Variants in GPATCH2 observed in about 807,000 individuals in gnomAD.
GPATCH2 encodes the protein G patch domain-containing protein 2.
Under a neutral mutation model 58.0 loss-of-function variants are expected in GPATCH2, and 51 were observed. The observed-to-expected ratio is 0.88, with a 90% confidence interval of 0.70 to 1.11. The LOEUF is 1.11. GPATCH2 is among the 50% of genes most tolerant of loss of function. The pLI, the probability that GPATCH2 is intolerant of heterozygous loss-of-function variation, is 0.00. For synonymous variants in GPATCH2, 222 were observed against 218.5 expected, an observed-to-expected ratio of 1.02 and a Z score of -0.14; for missense variants, 625 against 652.2, an observed-to-expected ratio of 0.96 and a Z score of 0.45.
chr1:217,606,174 C>G (rs1050932907), intron 5 of GPATCH2, among the ~76,000 whole-genome samples: 1 of 151,364 alleles, frequency 6.6e-6, no homozygotes, highest in African/African-American at 2.4e-5. Flanking sequence ...TCAGGAATAG[C>G]TATTAGGCCT....
At chr1:217,559,530 T>C (rs758051941) in intron 5 of GPATCH2, among the ~76,000 whole-genome samples, 4 of 152,146 alleles carry the variant, frequency 2.6e-5, no homozygotes, top group Non-Finnish European at 5.9e-5. Context: ...CAAAGGACTA[T>C]CATTACCCTC....
intron 9 of GPATCH2, among the ~76,000 whole-genome samples, chr1:217,447,834 C>G (rs746475662): frequency 1.3e-5 from 2 of 152,130 alleles, no homozygotes; most frequent in Non-Finnish European, 2.9e-5. Flanking sequence ...GGCTCACGAG[C>G]CACCTGTAAT....
chr1:217,523,115 T>C (rs1182359059), intron 5 of GPATCH2, among the ~76,000 whole-genome samples: 1 of 151,782 alleles, frequency 6.6e-6, no homozygotes, highest in Non-Finnish European at 1.5e-5. Context: ...AAACCTTGCT[T>C]GTATTAGGAA....
intron 1 of GPATCH2, among the ~76,000 whole-genome samples, chr1:217,627,048 T>C (rs182012959): frequency 7.2e-5 from 11 of 152,192 alleles, no homozygotes; most frequent in African/African-American, 2.4e-4. Flanking sequence ...GCTATGAATT[T>C]GGTAGCTAAT....
intron 8 of GPATCH2, among the ~76,000 whole-genome samples, chr1:217,463,062 A>G (rs1439069264): frequency 6.6e-6 from 1 of 152,218 alleles, no homozygotes; most frequent in Non-Finnish European, 1.5e-5. Flanking sequence ...TGTATAAAAT[A>G]AACTGAATAT....
intron 6 of GPATCH2, among the ~76,000 whole-genome samples, chr1:217,503,389 G>A (rs1012329000): frequency 3.3e-5 from 5 of 151,910 alleles, no homozygotes; most frequent in South Asian, 2.1e-4. Flanking sequence ...AAGTATGAGA[G>A]ACAGAAAACA....
intron 5 of GPATCH2, among the ~76,000 whole-genome samples, chr1:217,594,225 T>C (rs1667718341): frequency 6.6e-6 from 1 of 152,132 alleles, no homozygotes; most frequent in African/African-American, 2.4e-5. Flanking sequence ...GAGGCAAAAA[T>C]GAATTGATTC....
chr1:217,465,459 C>G (rs1270471420), intron 8 of GPATCH2, among the ~76,000 whole-genome samples: 1 of 152,148 alleles, frequency 6.6e-6, no homozygotes, highest in Non-Finnish European at 1.5e-5. Context: ...TGTCCTCACT[C>G]AAATCTCAAC....
rs1664651182 is a variant in GPATCH2, at chr1:217,539,890, T to C, written c.1099-25001A>G. The stretch of plus-strand genomic sequence containing the variant: ...GTTTTACAATTTATTTATATATGTA[T>C]TTATAAAAAAACTTAATGATATACA... On this transcript the variant is annotated intron_variant, in intron 5 of 9. Coordinates refer to ENST00000366935, the MANE Select transcript of GPATCH2 (RefSeq NM_018040.5). Among the ~76,000 whole-genome samples, 6 of 101,366 alleles carry C rather than the reference T, an allele frequency of 5.9e-5. No individual in the cohort carries two copies. The Admixed American group carries it at 7.1e-4, about 12-fold the overall frequency. 66.5% of individuals were successfully genotyped at this position (101,366 alleles called of 152,430 possible).
intron 5 of GPATCH2, among the ~76,000 whole-genome samples, chr1:217,548,174 CT>C (rs1665159346): frequency 6.6e-6 from 1 of 152,052 alleles, no homozygotes; most frequent in Non-Finnish European, 1.5e-5. Context: ...AAACCAAATA[CT>C]TCATGTTCTC....
At chr1:217,553,625 CATT>C (rs1281981198) in intron 5 of GPATCH2, among the ~76,000 whole-genome samples, 1 of 151,846 alleles carries the variant, frequency 6.6e-6, no homozygotes, top group East Asian at 1.9e-4. Context: ...GTATAGTCTA[CATT>C]ATTGTTTTGA....
rs145913566 is a variant in GPATCH2 at position 217,575,539 on chromosome 1, C to T, written c.1098+34782G>A. 4.9e-3 allele frequency among the ~76,000 whole-genome samples: 752 copies of T among 152,234 alleles called. 3 individuals are homozygous for T. Among genetic ancestry groups the T allele is most frequent in the Non-Finnish European group, 6.7e-3 (456 of 67,980 alleles). ...GATGTAAAAAATCAATGCATCATGA[C>T]ATGAGAAAACTGTTACTGATTCTTT... is the stretch of plus-strand genomic sequence containing the variant. On this transcript the variant is annotated intron_variant, in intron 5 of 9. Transcript: ENST00000366935.
chr1:217,566,101 CAAAAAAAAA>C (rs59608962), intron 5 of GPATCH2, among the ~76,000 whole-genome samples: 6 of 47,240 alleles, frequency 1.3e-4, no homozygotes, highest in Admixed American at 6.1e-4. Flanking sequence ...AACTCCGTCT[CAAAAAAAAA>C]AAAAAAAAAA....
chr1:217,459,377 A>T (rs1325930287), intron 8 of GPATCH2, among the ~76,000 whole-genome samples: 1 of 152,222 alleles, frequency 6.6e-6, no homozygotes, highest in Non-Finnish European at 1.5e-5. Context: ...TTTCGCCTGA[A>T]CTGAAATTGG....
At chr1:217,482,374 G>A (rs1661252007) in intron 8 of GPATCH2, among the ~76,000 whole-genome samples, 1 of 152,134 alleles carries the variant, frequency 6.6e-6, no homozygotes, top group Non-Finnish European at 1.5e-5. Flanking sequence ...AGGGTATGAT[G>A]GTACTGGTGG....
At chr1:217,483,343 CCTGA>C (rs367907805) in intron 8 of GPATCH2, among the ~76,000 whole-genome samples, 1,743 of 152,184 alleles carry the variant, frequency 0.011, 32 homozygotes, top group African/African-American at 0.039. Flanking sequence ...CGCCACCATG[CCTGA>C]CTAATATTTT....
intron 6 of GPATCH2, among the ~76,000 whole-genome samples, chr1:217,511,623 A>G (rs549515345): frequency 1.2e-3 from 177 of 152,326 alleles, no homozygotes; most frequent in African/African-American, 4.0e-3. Context: ...GCATATAACT[A>G]AAACTCTCTG....
chr1:217,463,932 A>G (rs1437298496), intron 8 of GPATCH2, among the ~76,000 whole-genome samples: 1 of 152,174 alleles, frequency 6.6e-6, no homozygotes, highest in African/African-American at 2.4e-5. Flanking sequence ...GGTTCCACAC[A>G]TATCACCTAG....
chr1:217,552,747 T>C (rs1394972926), intron 5 of GPATCH2, among the ~76,000 whole-genome samples: 1 of 152,124 alleles, frequency 6.6e-6, no homozygotes, highest in Non-Finnish European at 1.5e-5. Flanking sequence ...TATGCTTTGG[T>C]TTTGAAATTG....
Sources: gnomAD v4.1 joint callset for allele counts (sites outside exome capture counted in the v4.1 genomes callset) on GRCh38, gnomAD v4.1.1 for gene constraint, MANE v1.5 for transcripts, NCBI Gene and HGNC (gene_info 2026-07-23, HGNC 2026-07-21) for gene names.